Variants in DLG5 observed in about 807,000 individuals in gnomAD.
DLG5 encodes disks large homolog 5.
DLG5 carries 48 observed loss-of-function variants against 189.8 expected under a neutral mutation model. The ratio of observed to expected loss-of-function variants is 0.25; its 90% CI spans 0.20 to 0.32. The LOEUF (loss-of-function observed/expected upper bound fraction) is 0.32. Among genes scored for constraint, DLG5 ranks in the 10% least tolerant of loss-of-function variants. The probability of loss-of-function intolerance (pLI) is 1.00; values close to 1 mark genes in which losing one functional copy is unlikely to be tolerated. For synonymous variants in DLG5, 1,016 were observed against 1,054.1 expected (o/e 0.96, Z 0.70); for missense variants, 2,160 against 2,544.7 (o/e 0.85, Z 3.25).
At chr10:77,794,810 G>C (rs748818883) in intron 30 of DLG5, 39 bp downstream of exon 30, 20 of 1,570,890 alleles carry the variant, frequency 1.3e-5, no homozygotes, top group Non-Finnish European at 1.7e-5. Flanking sequence ...CCCCACCTGT[G>C]ACAAGGCCCC....
At chr10:77,836,831 AT>A (rs963006531) in intron 7 of DLG5, among the ~76,000 whole-genome samples, 3 of 149,340 alleles carry the variant, frequency 2.0e-5, no homozygotes, top group South Asian at 2.1e-4. Context: ...TTCAGTTTTG[AT>A]TTTTTTTTCA....
At chr10:77,858,307 T>C (rs907595180) in intron 2 of DLG5, among the ~76,000 whole-genome samples, 1 of 148,604 alleles carries the variant, frequency 6.7e-6, no homozygotes, top group Admixed American at 6.7e-5. Context: ...AAATATGTAT[T>C]AAAAAAAAAA....
In DLG5 at chr10:77,815,014, G is replaced by GT. The variant is rs549900227; in HGVS notation, c.4025+1536dup. 1.9e-3 allele frequency among the ~76,000 whole-genome samples: 292 copies of GT among 152,198 alleles called. 1 individual carries two copies. Among genetic ancestry groups the GT allele is most frequent in the Middle Eastern group, 0.014 (4 of 294 alleles). ...CATCTCCAATCGGATCCTAACCACC[G>GT]TGAGGGCAGGAGTCACTCACATTTT... On this transcript the variant is annotated intron_variant, in intron 20 of 31. Coordinates refer to ENST00000372391, the MANE Select transcript of DLG5 (RefSeq NM_004747.4).
chr10:77,916,938 G>A (rs1037574237), intron 1 of DLG5, among the ~76,000 whole-genome samples: 4 of 103,230 alleles, frequency 3.9e-5, no homozygotes, highest in African/African-American at 1.2e-4. Flanking sequence ...AATATTATTC[G>A]GCCTAAAAAA....
chr10:77,814,461 T>TTTTATATATATATA (rs1279061097), intron 20 of DLG5, among the ~76,000 whole-genome samples: 3 of 70,750 alleles, frequency 4.2e-5, no homozygotes, highest in African/African-American at 1.1e-4. Context: ...TAAAGCATGT[T>TTTTATATATATATA]TATATATATA....
chr10:77,820,854 G>A (rs1842309310), intron 15 of DLG5: 1 of 543,880 alleles, frequency 1.8e-6, no homozygotes. Flanking sequence ...CAAATGCTAT[G>A]CCCAATAAAG....
At chr10:77,929,609 G>T (rs911648433), upstream of DLG5, 1 of 152,222 alleles carries the variant, frequency 6.6e-6, no homozygotes, top group Non-Finnish European at 1.5e-5. Flanking sequence ...TTTGGATGCA[G>T]AGACACAGAG....
At chr10:77,934,730 C>G in the DLG5 span, among the ~76,000 whole-genome samples, 498 of 152,294 alleles carry the variant, frequency 3.3e-3, 2 homozygotes, top group South Asian at 0.018. Flanking sequence ...TGGAGAAGAT[C>G]CCAGCGGCTA....
At chr10:77,803,889 T>A (rs1349854942) in intron 27 of DLG5, among the ~76,000 whole-genome samples, 1 of 14,642 alleles carries the variant, frequency 6.8e-5, no homozygotes, top group Admixed American at 8.3e-4. Flanking sequence ...GGTTGGCATT[T>A]TTTTTTTTTT....
rs1264583174 is a variant in DLG5 at position 77,826,580 on chromosome 10, G to C, written c.2290-2104C>G. ...GGAGGCAGAGGCTGCAGTGAGCCAA[G>C]ATCACGCCACTGCACTCCAGCCTGG... On this transcript the variant is annotated intron_variant, in intron 13 of 31. Coordinates refer to ENST00000372391, the MANE Select transcript of DLG5 (RefSeq NM_004747.4). Among the ~76,000 whole-genome samples, 3 of 152,214 alleles carry C rather than the reference G, an allele frequency of 2.0e-5. No individual in the cohort carries two copies. The East Asian group carries it at 5.8e-4, about 29-fold the overall frequency.
intron 1 of DLG5, among the ~76,000 whole-genome samples, chr10:77,893,459 G>A (rs1204831774): frequency 1.3e-5 from 2 of 152,242 alleles, no homozygotes; most frequent in African/African-American, 4.8e-5. Context: ...GGTCGAGAGA[G>A]GCCATCGATA....
chr10:77,798,310 G>A (rs942907255), intron 27 of DLG5, among the ~76,000 whole-genome samples: 2 of 152,192 alleles, frequency 1.3e-5, no homozygotes, highest in Admixed American at 6.5e-5. Flanking sequence ...AGGGTTTGGT[G>A]GTCACATTCA....
rs1445174217 is a variant in DLG5 at position 77,830,266 on chromosome 10, T to A, written c.1960A>T (p.Ile654Leu). Residue 654 changes from isoleucine to leucine, a missense_variant, in exon 11 of 32, where the codon ATA becomes TTA. By Grantham distance (5) the Ile-to-Leu change is conservative. Around this residue, in one of 5 missense-constraint regions of DLG5, gnomAD observed 107 missense variants for 214.5 expected, o/e 0.50. Coordinates refer to ENST00000372391, the MANE Select transcript of DLG5 (RefSeq NM_004747.4). The part of the protein sequence containing the change: ...NEPCFPGDCG[I>L]FVTKVDKGSI... ...CCTTTGTCCACTTTAGTGACAAATA[T>A]GCCACAGTCCCCCGGGAAACAAGGC... 1 of 1,614,100 alleles carries A rather than the reference T, an allele frequency of 6.2e-7. No individual in the cohort carries two copies. Among genetic ancestry groups the A allele is most frequent in the Admixed American group, 1.7e-5 (1 of 60,008 alleles).
intron 5 of DLG5, among the ~76,000 whole-genome samples, chr10:77,850,459 T>C (rs1041490567): frequency 6.6e-6 from 1 of 152,256 alleles, no homozygotes; most frequent in African/African-American, 2.4e-5. Context: ...AGTAGACCTT[T>C]GGGTTGTTAC....
chr10:77,922,484 A>G (rs968568099), intron 1 of DLG5, among the ~76,000 whole-genome samples: 1 of 152,176 alleles, frequency 6.6e-6, no homozygotes, highest in Non-Finnish European at 1.5e-5. Context: ...CCGCAGATCC[A>G]TGTATCAAAT....
chr10:77,900,702 C>T (rs1301697305), intron 1 of DLG5, among the ~76,000 whole-genome samples: 4 of 151,682 alleles, frequency 2.6e-5, no homozygotes, highest in South Asian at 2.1e-4. Flanking sequence ...TTTGGGAGGC[C>T]GAGGCAGGCA....
chr10:77,808,176 G>T (rs1210294286), intron 24 of DLG5, among the ~76,000 whole-genome samples: 6 of 152,246 alleles, frequency 3.9e-5, no homozygotes, highest in Admixed American at 3.9e-4. Flanking sequence ...CCCTGCCCTT[G>T]ACAGCTTATC....
intron 1 of DLG5, among the ~76,000 whole-genome samples, chr10:77,898,634 G>T (rs114226650): frequency 1.3e-5 from 2 of 152,198 alleles, no homozygotes; most frequent in Non-Finnish European, 2.9e-5. Context: ...AGCTCCTGAC[G>T]GCACACGAGT....
intron 20 of DLG5, among the ~76,000 whole-genome samples, chr10:77,814,879 TG>T (rs1841976950): frequency 6.6e-6 from 1 of 152,164 alleles, no homozygotes; most frequent in Non-Finnish European, 1.5e-5. Flanking sequence ...TACTTTTCTA[TG>T]TCTCTGATTT....
Sources: allele counts gnomAD v4.1 joint callset (sites outside exome capture counted in the v4.1 genomes callset), GRCh38; gene constraint gnomAD v4.1.1; regional missense constraint gnomAD v4.1.1; transcripts MANE v1.5; gene names NCBI Gene and HGNC (gene_info 2026-07-23, HGNC 2026-07-21).